Variants in TXK observed in about 807,000 individuals in gnomAD.
The protein encoded by TXK is TXK tyrosine kinase, also known as tyrosine-protein kinase TXK.
In TXK, 60 loss-of-function variants were observed where a neutral mutation model predicts 81.0. The ratio of observed to expected loss-of-function variants is 0.74; its 90% confidence interval spans 0.60 to 0.92. The LOEUF (loss-of-function observed/expected upper bound fraction) is 0.92. Ranked by LOEUF, TXK falls within the 40% of genes least tolerant of loss-of-function variation. The pLI is 0.00. For synonymous variants in TXK, 203 were observed against 210.7 expected (o/e 0.96, Z 0.32); for missense variants, 581 against 638.3 (o/e 0.91, Z 0.97).
intron 1 of TXK, among the ~76,000 whole-genome samples, chr4:48,116,206 G>A (rs572659088): frequency 6.6e-6 from 1 of 152,252 alleles, no homozygotes; most frequent in Non-Finnish European, 1.5e-5. Flanking sequence ...TCTGTAAAAT[G>A]GGAATAATAG....
In TXK at chr4:48,086,491, A is replaced by C. The variant is rs771271258; in HGVS notation, c.931T>G (p.Phe311Val). 5 of 1,614,018 alleles carry C rather than the reference A, an allele frequency of 3.1e-6. No individual in the cohort carries two copies. Among genetic ancestry groups the C allele is most frequent in the Non-Finnish European group, 3.4e-6 (4 of 1,179,970 alleles). ...ATCATCACTTTGGCCTCTTCAATGA[A>C]ATCCTCTTCAGACATGGAGCCTTCA... ...INEGSMSEED[F>V]IEEAKVMMKL... The change falls in exon 10 of 15, where the codon TTC (phenylalanine) becomes GTC (valine). Residue 311 changes from phenylalanine (F) to valine (V), a missense_variant. Coordinates refer to ENST00000264316, the MANE Select transcript of TXK (RefSeq NM_003328.3).
At chr4:48,128,601 T>G (rs1451243636) in intron 1 of TXK, among the ~76,000 whole-genome samples, 2 of 132,608 alleles carry the variant, frequency 1.5e-5, no homozygotes, top group African/African-American at 2.8e-5. Context: ...AGTCTCACTC[T>G]GTCTCCCAGG....
Position 48,086,510 on chromosome 4 carries a change from G to T in TXK, c.912C>A (p.Gly304=). 1 of 1,614,060 alleles carries T rather than the reference G, an allele frequency of 6.2e-7. No homozygotes were observed. The highest frequency in any genetic ancestry group is 8.5e-7 in the Non-Finnish European group (1 of 1,179,984). Residue 304 remains glycine (G), a synonymous_variant, in exon 10 of 15, where the codon GGC becomes GGA. Transcript: ENST00000264316. ...CAATGAAATCCTCTTCAGACATGGA[G>T]CCTTCATTGATGGCCTTGATAGCTA... ...IQVAIKAINE[G]SMSEEDFIEE...
intron 7 of TXK, 32 bp from the exon 8 acceptor site, chr4:48,094,236 T>C (rs771894817): frequency 6.2e-7 from 1 of 1,608,936 alleles, no homozygotes; most frequent in Non-Finnish European, 8.5e-7. Flanking sequence ...TTACTAGAAA[T>C]GTGAAAGATC....
Position 48,074,028 on chromosome 4 carries a change from T to C in TXK, c.1264A>G (p.Ser422Gly), listed in dbSNP as rs759760477. The part of the protein sequence containing the change: ...TRYVLDDEYV[S>G]SFGAKFPIKW... ...ATTGGGAACTTGGCTCCAAAAGAAC[T>C]GACATACTCATCATCCAAAACGTAC... is the stretch of plus-strand genomic sequence containing the variant. The change falls in exon 13 of 15, where the codon AGT (serine) becomes GGT (glycine). Residue 422 changes from serine to glycine, a missense_variant. Transcript: ENST00000264316. 1.4e-4 allele frequency: 221 copies of C among 1,613,726 alleles called. No homozygotes were observed. Among genetic ancestry groups the C allele is most frequent in the Non-Finnish European group, 1.7e-4 (195 of 1,179,828 alleles).
At chr4:48,124,549 A>G (rs1041270484) in intron 1 of TXK, among the ~76,000 whole-genome samples, 5 of 151,918 alleles carry the variant, frequency 3.3e-5, no homozygotes, top group African/African-American at 1.2e-4. Flanking sequence ...CCCTTACATT[A>G]CATCTGAGCT....
chr4:48,103,284 T>C (rs1718275447), intron 6 of TXK, among the ~76,000 whole-genome samples: 1 of 152,240 alleles, frequency 6.6e-6, no homozygotes, highest in Non-Finnish European at 1.5e-5. Context: ...TCTCTCGTTC[T>C]GCCCACCTGT....
chr4:48,094,174 C>T lies in TXK; in HGVS notation c.612G>A (p.Gln204=). 6.2e-7 allele frequency: 1 copy of T among 1,613,774 alleles called. No individual in the cohort carries two copies. ...RSTEAAIKHY[Q]IKKNDSGQWY... ...ACTGTCCTGAGTCATTCTTTTTTAT[C>T]TGATAATGTTTTATGGCAGCCTCCG... The change falls in exon 8 of 15, where the codon CAG becomes CAA. Residue 204 remains glutamine (Q), a synonymous_variant. Transcript: ENST00000264316.
chr4:48,080,130 T>G lies in TXK; in HGVS notation c.957-2A>C. On this transcript the variant is annotated splice_acceptor_variant, in intron 10 of 14. Transcript: ENST00000264316. LOFTEE classifies it high-confidence loss of function. ...ACTAGCTTTGAATGAGATAATTTCC[T>G]GGTGAAGAAAAACATACACCAGTGA... 1 of 1,610,590 alleles carries G rather than the reference T, an allele frequency of 6.2e-7. No homozygotes were observed. Among genetic ancestry groups the G allele is most frequent in the Middle Eastern group, 1.7e-4 (1 of 6,048 alleles).
At chr4:48,126,773 G>A (rs537763673) in intron 1 of TXK, among the ~76,000 whole-genome samples, 5 of 152,280 alleles carry the variant, frequency 3.3e-5, no homozygotes, top group East Asian at 3.9e-4. Context: ...AAACTGCTGG[G>A]ATTACAGGCA....
chr4:48,086,429 A>G (rs6858664), intron 10 of TXK, 37 bp downstream of exon 10: 1,568,131 of 1,606,248 alleles, frequency 0.98, 772,251 homozygotes, highest in East Asian at 1. Context: ...ACACCAGGGC[A>G]TGGTATGATA....
At position 48,119,676 on chromosome 4, in the gene TXK, T is replaced by C. The variant is rs1318596028; in HGVS notation, c.17-5274A>G. Among the ~76,000 whole-genome samples the C allele has an allele frequency of 2.0e-5, 3 of 152,196 alleles. No homozygotes were observed. In the East Asian group the frequency reaches 5.8e-4, roughly 29 times the overall value. On this transcript the variant is annotated intron_variant, in intron 1 of 14. Transcript: ENST00000264316. ...ATTCCCAAGAATCTACACTACATCATGTTCTTTGGTGTTTGGATTTCAGCT... is the reference window on the plus strand; with the variant it reads ...ATTCCCAAGAATCTACACTACATCACGTTCTTTGGTGTTTGGATTTCAGCT...
chr4:48,120,388 T>C (rs2109480909), intron 1 of TXK, among the ~76,000 whole-genome samples: 1 of 151,128 alleles, frequency 6.6e-6, no homozygotes, highest in Non-Finnish European at 1.5e-5. Context: ...TATACGTATA[T>C]ATATGCAGTT....
intron 4 of TXK, 44 bp downstream of exon 4, chr4:48,112,263 T>G (rs1177329725): frequency 6.4e-7 from 1 of 1,572,642 alleles, no homozygotes; most frequent in Non-Finnish European, 8.8e-7. Context: ...GTCTTCTTTG[T>G]GTTGGAAGAA....
At position 48,113,209 on chromosome 4, in the gene TXK, GCTT is replaced by G. The variant is rs1388947975; in HGVS notation, c.169_171del (p.Lys57del). 1.4e-5 allele frequency: 22 copies of G among 1,610,054 alleles called. No homozygotes were observed. The highest frequency in any genetic ancestry group is 3.3e-4 in the Middle Eastern group (2 of 6,074). On this transcript the variant is annotated inframe_deletion, in exon 3 of 15. Coordinates refer to ENST00000264316, the MANE Select transcript of TXK (RefSeq NM_003328.3). ...TTGCCTGTCAAAATGATACTTACTT[GCTT>G]CTTATTTGACAATTGGCTGAGCCAC... is the stretch of plus-strand genomic sequence containing the variant.
At position 48,113,132 on chromosome 4, in the gene TXK, A is replaced by G. The variant is rs1718689441; in HGVS notation, c.174+75T>C. On this transcript the variant is annotated intron_variant, in intron 3 of 14. Coordinates refer to ENST00000264316, the MANE Select transcript of TXK (RefSeq NM_003328.3). ...CAGGATACTAGATTCTGGGCAACAA[A>G]CAGCACCTCATGAATGAAGACTCTA... 2.9e-6 allele frequency: 3 copies of G among 1,037,902 alleles called. No homozygotes were observed. The Admixed American group carries it at 5.8e-5, about 20-fold the overall frequency. 64.3% of individuals were successfully genotyped at this position (1,037,902 alleles called of 1,614,324 possible).
At position 48,089,783 on chromosome 4, in the gene TXK, T is replaced by C. The variant is rs763749758; in HGVS notation, c.751A>G (p.Ser251Gly). 1 of 1,613,640 alleles carries C rather than the reference T, an allele frequency of 6.2e-7. No individual in the cohort carries two copies. The highest frequency in any genetic ancestry group is 8.5e-7 in the Non-Finnish European group (1 of 1,179,718). Residue 251 changes from serine to glycine, a missense_variant, in exon 9 of 15, where the codon AGT becomes GGT. Coordinates refer to ENST00000264316, the MANE Select transcript of TXK (RefSeq NM_003328.3). ...RLRYPVGLMG[S>G]CLPATAGFSY... ...AACCCAGCTGTGGCTGGTAAACAAC[T>C]GCCCATCAGCCCAACTGGATATCGG... is the stretch of plus-strand genomic sequence containing the variant.
intron 1 of TXK, among the ~76,000 whole-genome samples, chr4:48,120,102 T>C (rs1718908193): frequency 6.6e-6 from 1 of 151,348 alleles, no homozygotes; most frequent in Non-Finnish European, 1.5e-5. Flanking sequence ...CGTACACAAA[T>C]ATACGTATAC....
chr4:48,129,961 A>G (rs1719204700), intron 1 of TXK, among the ~76,000 whole-genome samples: 1 of 152,182 alleles, frequency 6.6e-6, no homozygotes, highest in Admixed American at 6.5e-5. Context: ...CGTACTGCTC[A>G]CTGACCCTCG....
Sources: gnomAD v4.1 joint callset for allele counts (sites outside exome capture counted in the v4.1 genomes callset) on GRCh38, gnomAD v4.1.1 for gene constraint, MANE v1.5 for transcripts, NCBI Gene and HGNC (gene_info 2026-07-23, HGNC 2026-07-21) for gene names.